Variants in SERINC5 observed in about 807,000 individuals in gnomAD.
SERINC5 encodes serine incorporator 5.
SERINC5 carries 41 observed loss-of-function variants against 63.1 expected under a neutral mutation model. The ratio of observed to expected loss-of-function variants is 0.65; its 90% confidence interval spans 0.51 to 0.84. The LOEUF (loss-of-function observed/expected upper bound fraction) is 0.84. SERINC5 is among the 40% of genes least tolerant of loss of function. The pLI is 0.00. For synonymous variants in SERINC5, 222 were observed against 215.2 expected, an observed-to-expected ratio of 1.03 and a Z score of -0.28; for missense variants, 523 against 573.0, an observed-to-expected ratio of 0.91 and a Z score of 0.89.
intron 2 of SERINC5, among the ~76,000 whole-genome samples, chr5:80,188,677 G>A (rs964365218): frequency 1.3e-5 from 2 of 152,074 alleles, no homozygotes; most frequent in Non-Finnish European, 2.9e-5. Flanking sequence ...CTTGAGCCCC[G>A]GAGTTCAAGA....
At position 80,169,616 on chromosome 5, in the gene SERINC5, T is replaced by G. The variant is rs1747521940; in HGVS notation, c.552-70A>C. On this transcript the variant is annotated intron_variant, in intron 5 of 11. Coordinates refer to ENST00000507668, the MANE Select transcript of SERINC5 (RefSeq NM_001174072.3). Reference sequence around the variant, plus strand: ...GTCAACGAAGCCCACCATTCTGCGGTAACAGTCACCATCCCTCAGGCAGTA... The same window carrying G: ...GTCAACGAAGCCCACCATTCTGCGGGAACAGTCACCATCCCTCAGGCAGTA... 3.2e-6 allele frequency: 4 copies of G among 1,254,890 alleles called. No homozygotes were observed. In the African/African-American group the frequency reaches 5.9e-5, roughly 19 times the overall value. 77.7% of individuals were successfully genotyped at this position (1,254,890 alleles called of 1,614,324 possible).
At chr5:80,238,194 A>T (rs1458383589) in intron 1 of SERINC5, among the ~76,000 whole-genome samples, 1 of 151,922 alleles carries the variant, frequency 6.6e-6, no homozygotes, top group Non-Finnish European at 1.5e-5. Flanking sequence ...TAAGGAAATA[A>T]TTTACAGCTT....
intron 9 of SERINC5, 109 bp from the exon 10 acceptor site, chr5:80,147,393 G>T: frequency 1.7e-6 from 2 of 1,151,398 alleles, no homozygotes; most frequent in African/African-American, 1.5e-5. Context: ...TTCAAAAGAT[G>T]TGGACTGTTC....
rs577588054 is a variant in SERINC5 at position 80,159,287 on chromosome 5, TAA to T, written c.860-327_860-326del. Among the ~76,000 whole-genome samples the T allele has an allele frequency of 7.9e-5, 12 of 152,234 alleles. No homozygotes were observed. In the South Asian group the frequency reaches 2.5e-3, roughly 32 times the overall value. ...ATTTTTCAGTTGACAAGGCAGCCTC[TAA>T]AGAGAGGTAGGGTGCAGATACCAAG... On this transcript the variant is annotated intron_variant, in intron 7 of 11. Coordinates refer to ENST00000507668, the MANE Select transcript of SERINC5 (RefSeq NM_001174072.3).
At chr5:80,224,874 T>G (rs558160766) in intron 1 of SERINC5, among the ~76,000 whole-genome samples, 1 of 152,024 alleles carries the variant, frequency 6.6e-6, no homozygotes, top group African/African-American at 2.4e-5. Context: ...TCCACCTGCC[T>G]TGGCCTCCCA....
chr5:80,235,134 T>C (rs971795800), intron 1 of SERINC5, among the ~76,000 whole-genome samples: 3 of 152,216 alleles, frequency 2.0e-5, no homozygotes, highest in Non-Finnish European at 2.9e-5. Flanking sequence ...CTTTCTATGA[T>C]TTTGACTACT....
chr5:80,145,386 GAGA>G (rs1314357126), intron 11 of SERINC5, among the ~76,000 whole-genome samples: 1 of 150,552 alleles, frequency 6.6e-6, no homozygotes, highest in African/African-American at 2.4e-5. Flanking sequence ...CACAGAAAAG[GAGA>G]AGGATACACA....
chr5:80,153,277 G>C (rs189992457), intron 8 of SERINC5, among the ~76,000 whole-genome samples: 43 of 152,050 alleles, frequency 2.8e-4, no homozygotes, highest in Admixed American at 1.4e-3. Flanking sequence ...AGCCAACATG[G>C]TGAGACCCTG....
chr5:80,170,370 T>C (rs1747571285), intron 5 of SERINC5, among the ~76,000 whole-genome samples: 1 of 152,114 alleles, frequency 6.6e-6, no homozygotes, highest in African/African-American at 2.4e-5. Flanking sequence ...TATGAGCAAT[T>C]TGAGGGCAGC....
chr5:80,203,003 G>C lies in SERINC5; in HGVS notation c.78C>G (p.Cys26Trp). The C allele has an allele frequency of 6.2e-7, 1 of 1,613,216 alleles. No individual in the cohort carries two copies. Among genetic ancestry groups the C allele is most frequent in the African/African-American group, 1.3e-5 (1 of 75,010 alleles). ...TGCTGAGGGACTGCCGAATCCTGGG[G>C]CAGCAATCACAGCAGAGAGAGCAGC... ...SAGCSLCCDC[C>W]PRIRQSLSTR... is the part of the protein sequence containing the mutation. The change falls in exon 2 of 12, where the codon TGC (cysteine) becomes TGG (tryptophan). Residue 26 changes from cysteine to tryptophan, a missense_variant. By Grantham distance (215) the Cys-to-Trp change is radical. Transcript: ENST00000507668.
intron 2 of SERINC5, among the ~76,000 whole-genome samples, chr5:80,182,556 T>TCCC (rs1457523606): frequency 5.8e-5 from 1 of 17,250 alleles, no homozygotes; most frequent in African/African-American, 2.3e-4. Context: ...CCCCCCCCCC[T>TCCC]CCGCTTTTTT....
Position 80,147,244 on chromosome 5 carries a change from C to T in SERINC5, c.1093+1G>A. On this transcript the variant is annotated splice_donor_variant, in intron 10 of 11. Coordinates refer to ENST00000507668, the MANE Select transcript of SERINC5 (RefSeq NM_001174072.3). LOFTEE classifies it high-confidence loss of function. ...GCAAAGAATAAAAGCGCTCTGCTTA[C>T]CCTCTCCACCAGGACTGAAGCAAAA... 1 of 1,601,274 alleles carries T rather than the reference C, an allele frequency of 6.2e-7. No homozygotes were observed. The highest frequency in any genetic ancestry group is 8.5e-7 in the Non-Finnish European group (1 of 1,174,356).
chr5:80,234,744 G>A (rs1751608438), intron 1 of SERINC5, among the ~76,000 whole-genome samples: 1 of 151,990 alleles, frequency 6.6e-6, no homozygotes, highest in African/African-American at 2.4e-5. Context: ...AAAACTCTCA[G>A]AATTATTGCA....
intron 9 of SERINC5, among the ~76,000 whole-genome samples, chr5:80,147,660 C>T (rs1032179707): frequency 3.3e-5 from 5 of 151,980 alleles, no homozygotes; most frequent in Admixed American, 3.3e-4. Flanking sequence ...ACTTCACCCT[C>T]TGCCCAATTT....
intron 7 of SERINC5, among the ~76,000 whole-genome samples, chr5:80,159,250 G>A (rs973404979): frequency 6.6e-6 from 1 of 152,298 alleles, no homozygotes; most frequent in Non-Finnish European, 1.5e-5. Context: ...AGTCTTGCTC[G>A]AAGTCAGGTG....
chr5:80,235,202 T>C (rs1325572799), intron 1 of SERINC5, among the ~76,000 whole-genome samples: 2 of 152,250 alleles, frequency 1.3e-5, no homozygotes, highest in Non-Finnish European at 2.9e-5. Flanking sequence ...ACTTTTATTG[T>C]ATACTTTTAT....
chr5:80,209,502 C>T (rs1198752941), intron 1 of SERINC5, among the ~76,000 whole-genome samples: 1 of 152,194 alleles, frequency 6.6e-6, no homozygotes, highest in African/African-American at 2.4e-5. Context: ...GCCACCCAGT[C>T]AGTGTGACTT....
At chr5:80,220,872 G>T (rs543200830) in intron 1 of SERINC5, among the ~76,000 whole-genome samples, 26 of 152,104 alleles carry the variant, frequency 1.7e-4, no homozygotes, top group African/African-American at 6.3e-4. Flanking sequence ...GGAGTGACAG[G>T]AACAGAGGTT....
chr5:80,204,816 G>C (rs1750069600), intron 1 of SERINC5, among the ~76,000 whole-genome samples: 1 of 152,148 alleles, frequency 6.6e-6, no homozygotes, highest in African/African-American at 2.4e-5. Context: ...AGTCCTCAGA[G>C]AAACAGACTG....
Sources: allele counts gnomAD v4.1 joint callset (sites outside exome capture counted in the v4.1 genomes callset), GRCh38; gene constraint gnomAD v4.1.1; transcripts MANE v1.5; gene names NCBI Gene and HGNC (gene_info 2026-07-23, HGNC 2026-07-21).